RHOBTB1: variants seen among roughly 807,000 people sequenced by gnomAD.
The protein encoded by RHOBTB1 is Rho related BTB domain containing 1.
RHOBTB1 carries 40 observed loss-of-function variants against 71.6 expected under a neutral mutation model. The observed-to-expected ratio is 0.56, with a 90% CI of 0.43 to 0.73. The LOEUF is 0.73. Ranked by LOEUF, RHOBTB1 falls within the 30% of genes least tolerant of loss-of-function variation. The pLI, the probability that RHOBTB1 is intolerant of heterozygous loss-of-function variation, is 0.00. For synonymous variants in RHOBTB1, 319 were observed against 334.9 expected, an observed-to-expected ratio of 0.95 and a Z score of 0.52; for missense variants, 797 against 894.0, an observed-to-expected ratio of 0.89 and a Z score of 1.38.
chr10:60,935,703 A>T (rs1276949865), intron 2 of RHOBTB1, among the ~76,000 whole-genome samples: 1 of 152,232 alleles, frequency 6.6e-6, no homozygotes, highest in Non-Finnish European at 1.5e-5. Flanking sequence ...ATTAAATTAC[A>T]TAAATTTACA....
At position 60,920,342 on chromosome 10, in the gene RHOBTB1, A is replaced by G. The variant is rs180955261; in HGVS notation, c.-10-8790T>C. Among the ~76,000 whole-genome samples, 55 of 152,270 alleles carry G rather than the reference A, an allele frequency of 3.6e-4. 1 individual carries two copies. The highest frequency in any genetic ancestry group is 1.5e-3 in the Admixed American group (23 of 15,298). ...AAAAACCAAAGGATGTCGAGAAAAA[A>G]TAATGGATGGGAAGCCTGAAGGGCA... On this transcript the variant is annotated intron_variant, in intron 2 of 10. Transcript: ENST00000337910.
chr10:60,978,053 A>C (rs1565178402), intron 2 of RHOBTB1, among the ~76,000 whole-genome samples: 1 of 152,174 alleles, frequency 6.6e-6, no homozygotes, highest in Admixed American at 6.6e-5. Flanking sequence ...AATGTATAAA[A>C]TTATTGCTAA....
intron 2 of RHOBTB1, among the ~76,000 whole-genome samples, chr10:60,978,789 C>T (rs2086398168): frequency 6.6e-6 from 1 of 152,184 alleles, no homozygotes; most frequent in Non-Finnish European, 1.5e-5. Context: ...TGAAGAACTA[C>T]TTATACAAAA....
chr10:60,993,573 C>T (rs1330317953), intron 1 of RHOBTB1, among the ~76,000 whole-genome samples: 1 of 152,104 alleles, frequency 6.6e-6, no homozygotes, highest in Non-Finnish European at 1.5e-5. Context: ...TGTTGAATTT[C>T]ATGGCATAAA....
intron 2 of RHOBTB1, among the ~76,000 whole-genome samples, chr10:60,919,457 T>C (rs747144106): frequency 6.6e-6 from 1 of 152,138 alleles, no homozygotes; most frequent in Non-Finnish European, 1.5e-5. Context: ...GTTTCATACA[T>C]AAAATAAACA....
At chr10:60,977,737 C>A (rs1414806692) in intron 2 of RHOBTB1, among the ~76,000 whole-genome samples, 3 of 152,042 alleles carry the variant, frequency 2.0e-5, no homozygotes, top group Non-Finnish European at 4.4e-5. Flanking sequence ...GATTTAATAC[C>A]CTAACTCAGA....
chr10:60,955,043 C>CTTTTTTTTT (rs34012455), intron 2 of RHOBTB1, among the ~76,000 whole-genome samples: 4 of 112,826 alleles, frequency 3.5e-5, no homozygotes, highest in Non-Finnish European at 5.3e-5. Flanking sequence ...TTCTTTCTTT[C>CTTTTTTTTT]TTTTTTTTTT....
rs767353308 is a variant in RHOBTB1 at position 60,877,898 on chromosome 10, T to A, written c.1726+10A>T. On this transcript the variant is annotated intron_variant, in intron 8 of 10. Coordinates refer to ENST00000337910, the MANE Select transcript of RHOBTB1 (RefSeq NM_014836.5). ...ACAGACACTGCATGGCCCTGAGTCATCATCCTTACCTGCAAGTGCAACCAA... is the reference window on the plus strand; with the variant it reads ...ACAGACACTGCATGGCCCTGAGTCAACATCCTTACCTGCAAGTGCAACCAA... 1.2e-6 allele frequency: 2 copies of A among 1,612,142 alleles called. No individual in the cohort carries two copies. Among genetic ancestry groups the A allele is most frequent in the South Asian group, 2.2e-5 (2 of 90,622 alleles).
intron 6 of RHOBTB1, 49 bp from the exon 7 acceptor site, chr10:60,886,279 C>T: frequency 2.1e-6 from 3 of 1,428,836 alleles, no homozygotes; most frequent in Non-Finnish European, 3.0e-6. Flanking sequence ...TTGCTGAGAG[C>T]TTCAACCAAG....
At chr10:60,873,570 A>T (rs186927044) in intron 9 of RHOBTB1, among the ~76,000 whole-genome samples, 3 of 152,332 alleles carry the variant, frequency 2.0e-5, no homozygotes, top group Non-Finnish European at 4.4e-5. Flanking sequence ...ACAACTGCAA[A>T]TCATTCCCTC....
chr10:60,890,276 C>T (rs1217446585), intron 5 of RHOBTB1, among the ~76,000 whole-genome samples: 4 of 151,980 alleles, frequency 2.6e-5, no homozygotes, highest in African/African-American at 7.3e-5. Context: ...GCATTAGCCC[C>T]TTAACTAATC....
Position 60,944,083 on chromosome 10 carries a change from C to A in RHOBTB1, c.-174G>T, listed in dbSNP as rs992875639. 1.3e-5 allele frequency: 2 copies of A among 151,682 alleles called. No homozygotes were observed. The highest frequency in any genetic ancestry group is 4.8e-5 in the African/African-American group (2 of 41,364). The allele number at this position is 151,682 out of a possible 1,614,324, so 9.4% of individuals were successfully genotyped here. ...TGCGCGCGGTCGCGGGTGTGCGGGG[C>A]CCCTGCGCGCGGCGCGCCGCCCGCC... On this transcript the variant is annotated 5_prime_UTR_variant, in exon 1 of 11. Transcript: ENST00000337910.
intron 4 of RHOBTB1, 109 bp from the exon 5 acceptor site, chr10:60,893,104 T>C: frequency 1.3e-6 from 1 of 746,252 alleles, no homozygotes; most frequent in Non-Finnish European, 2.1e-6. Context: ...CATGTCACAA[T>C]TAAAAAAAAA....
chr10:60,985,689 A>G (rs933605918), intron 2 of RHOBTB1, among the ~76,000 whole-genome samples: 2 of 152,216 alleles, frequency 1.3e-5, no homozygotes. Flanking sequence ...GAACTAAAAA[A>G]CGAAATATTT....
intron 2 of RHOBTB1, among the ~76,000 whole-genome samples, chr10:60,963,556 T>A (rs2085857892): frequency 1.3e-5 from 2 of 152,134 alleles, no homozygotes; most frequent in Non-Finnish European, 2.9e-5. Context: ...TCTCCCTTTG[T>A]CTATCTAGGA....
chr10:60,910,744 CTT>C, intron 4 of RHOBTB1, 141 bp downstream of exon 4: 1 of 561,212 alleles, frequency 1.8e-6, no homozygotes, highest in Non-Finnish European at 3.1e-6. Flanking sequence ...ATTTTTTTTT[CTT>C]TTCCTTTTCT....
At position 60,911,509 on chromosome 10, in the gene RHOBTB1, C is replaced by A; in HGVS notation, c.34G>T (p.Val12Phe). 1 of 1,614,198 alleles carries A rather than the reference C, an allele frequency of 6.2e-7. No homozygotes were observed. Among genetic ancestry groups the A allele is most frequent in the African/African-American group, 1.3e-5 (1 of 75,058 alleles). Residue 12 changes from valine to phenylalanine, a missense_variant, in exon 3 of 11, where the codon GTT becomes TTT. This residue lies in a region of RHOBTB1 where 139 missense variants were observed against 212.5 expected (regional missense o/e 0.65). Transcript: ENST00000337910. The stretch of plus-strand genomic sequence containing the variant: ...ACGACCACACATTTGATAGTTTCAA[C>A]GTTGGGTCTTTCGTAGTCCATGTCA... ...DADMDYERPNVETIKCVVVGD... is the reference protein window; with the variant it reads ...DADMDYERPNFETIKCVVVGD...
At chr10:60,994,644 C>A (rs2135006245) in intron 1 of RHOBTB1, among the ~76,000 whole-genome samples, 1 of 152,170 alleles carries the variant, frequency 6.6e-6, no homozygotes, top group Non-Finnish European at 1.5e-5. Context: ...AAATGCAATG[C>A]ATTTTATTAT....
chr10:60,997,650 C>A (rs1480399765), intron 1 of RHOBTB1, among the ~76,000 whole-genome samples: 5 of 152,118 alleles, frequency 3.3e-5, no homozygotes, highest in Admixed American at 1.3e-4. Flanking sequence ...ACTGTCCAAG[C>A]ATTTAAATAG....
Sources: allele counts gnomAD v4.1 joint callset (sites outside exome capture counted in the v4.1 genomes callset), GRCh38; gene constraint gnomAD v4.1.1; regional missense constraint gnomAD v4.1.1; transcripts MANE v1.5; gene names NCBI Gene and HGNC (gene_info 2026-07-23, HGNC 2026-07-21).